TTC7A: variants seen among roughly 807,000 people sequenced by gnomAD.
TTC7A encodes tetratricopeptide repeat protein 7A.
A neutral mutation model predicts 103.7 loss-of-function variants in TTC7A; 110 were observed. The observed-to-expected ratio is 1.06, with a 90% CI of 0.91 to 1.24. The LOEUF is 1.24. TTC7A is among the 50% of genes most tolerant of loss of function. TTC7A has a pLI of 0.00. For synonymous variants in TTC7A, 521 were observed against 467.9 expected (o/e 1.11, Z -1.47); for missense variants, 1,340 against 1,116.3 (o/e 1.20, Z -2.86).
At chr2:46,927,430 C>T (rs555649487) in intron 2 of TTC7A, among the ~76,000 whole-genome samples, 1 of 148,616 alleles carries the variant, frequency 6.7e-6, no homozygotes, top group African/African-American at 2.5e-5. Flanking sequence ...GATCTCGGCT[C>T]ACTGCAGGCT....
At chr2:46,931,398 T>A (rs1444493898) in intron 2 of TTC7A, among the ~76,000 whole-genome samples, 1 of 152,252 alleles carries the variant, frequency 6.6e-6, no homozygotes, top group Non-Finnish European at 1.5e-5. Flanking sequence ...AATGTTATTT[T>A]ACATGCAAAA....
chr2:46,952,510 G>A (rs767008842), intron 2 of TTC7A, among the ~76,000 whole-genome samples: 30 of 152,200 alleles, frequency 2.0e-4, no homozygotes, highest in Non-Finnish European at 3.2e-4. Flanking sequence ...TTAGCACTTT[G>A]GGAGGCTAAG....
At position 47,010,768 on chromosome 2, in the gene TTC7A, C is replaced by T. The variant is rs562052956; in HGVS notation, c.1288-563C>T. 9.2e-5 allele frequency among the ~76,000 whole-genome samples: 14 copies of T among 152,272 alleles called. No homozygotes were observed. The South Asian group carries it at 2.1e-3, about 23-fold the overall frequency. ...AGGCTGGAGTGCGGTGGCACAATCT[C>T]GGCTCACTGCAACTTCCACCTCTTG... On this transcript the variant is annotated intron_variant, in intron 10 of 19. Transcript: ENST00000319190.
At position 47,075,179 on chromosome 2, in the gene TTC7A, A is replaced by G. The variant is rs1237896058; in HGVS notation, c.*1256A>G. ...GCTCAGCACTGCATTTCCCGAGATG[A>G]TTCCCAAGACAGCTGGTGCCTCCTG... On this transcript the variant is annotated 3_prime_UTR_variant, in exon 20 of 20. Coordinates refer to ENST00000319190, the MANE Select transcript of TTC7A (RefSeq NM_020458.4). 1 of 152,184 alleles carries G rather than the reference A, an allele frequency of 6.6e-6. No homozygotes were observed. Among genetic ancestry groups the G allele is most frequent in the Non-Finnish European group, 1.5e-5 (1 of 68,030 alleles). 9.4% of individuals were successfully genotyped at this position (152,184 alleles called of 1,614,324 possible).
chr2:46,999,842 T>C (rs1441482599), intron 8 of TTC7A: 1 of 985,336 alleles, frequency 1.0e-6, no homozygotes, highest in Non-Finnish European at 1.2e-6. Flanking sequence ...AAGTTGCTGC[T>C]GTTAGAAATG....
intron 2 of TTC7A, 106 bp from the exon 3 acceptor site, chr2:46,956,733 G>C: frequency 8.4e-7 from 1 of 1,190,306 alleles, no homozygotes; most frequent in Non-Finnish European, 1.2e-6. Context: ...GAGGAGGAGG[G>C]GAGTTCTGAG....
intron 10 of TTC7A, among the ~76,000 whole-genome samples, chr2:47,010,835 G>A (rs566776470): frequency 6.6e-6 from 1 of 152,226 alleles, no homozygotes; most frequent in African/African-American, 2.4e-5. Context: ...GAGTCGTTGG[G>A]ACTATGGACA....
At position 47,057,823 on chromosome 2, in the gene TTC7A, C is replaced by G. The variant is rs1423919221; in HGVS notation, c.2153-2946C>G. Among the ~76,000 whole-genome samples the G allele has an allele frequency of 4.6e-5, 7 of 152,334 alleles. No homozygotes were observed. In the East Asian group the frequency reaches 1.3e-3, roughly 29 times the overall value. ...AATGCCTCCTCCCTCAGGAAGACTT[C>G]CCTGACCACACCAGCAGCATCGACC... On this transcript the variant is annotated intron_variant, in intron 18 of 19. Coordinates refer to ENST00000319190, the MANE Select transcript of TTC7A (RefSeq NM_020458.4).
At chr2:47,040,831 G>A (rs1028541475) in intron 15 of TTC7A, among the ~76,000 whole-genome samples, 1 of 152,194 alleles carries the variant, frequency 6.6e-6, no homozygotes, top group African/African-American at 2.4e-5. Context: ...TGCCCAGCTG[G>A]GTGACCACAG....
At chr2:46,976,575 G>C (rs555092965) in intron 4 of TTC7A, among the ~76,000 whole-genome samples, 1 of 152,314 alleles carries the variant, frequency 6.6e-6, no homozygotes, top group South Asian at 2.1e-4. Flanking sequence ...GGCCATTTTG[G>C]AAGAGTCCAC....
intron 8 of TTC7A, among the ~76,000 whole-genome samples, chr2:46,997,555 G>T (rs1558555754): frequency 6.6e-6 from 1 of 152,102 alleles, no homozygotes; most frequent in Non-Finnish European, 1.5e-5. Flanking sequence ...TATGGCTGTT[G>T]GTCAAGGTCA....
rs1181707095 is a variant in TTC7A at position 47,025,371 on chromosome 2, G to C, written c.1641+1012G>C. 2.0e-5 allele frequency among the ~76,000 whole-genome samples: 3 copies of C among 152,192 alleles called. No homozygotes were observed. The East Asian group carries it at 5.8e-4, about 29-fold the overall frequency. ...TCTGATCCACAGCCCACGGGGTCTA[G>C]GTACCCCGCTCCCCTGACCCTTTTG... On this transcript the variant is annotated intron_variant, in intron 14 of 19. Transcript: ENST00000319190.
chr2:46,918,902 AACCAGGAGTCTCAT>A (rs1380890871), intron 2 of TTC7A, among the ~76,000 whole-genome samples: 1 of 152,244 alleles, frequency 6.6e-6, no homozygotes, highest in African/African-American at 2.4e-5. Context: ...CTTTACCTGC[AACCAGGAGTCTCAT>A]AACTTGGAAC....
intron 3 of TTC7A, among the ~76,000 whole-genome samples, chr2:46,958,188 T>C (rs923401930): frequency 6.6e-6 from 1 of 151,934 alleles, no homozygotes. Flanking sequence ...TCTGAGGGGG[T>C]TCGCCCACCC....
At chr2:47,073,120 C>T (rs1003027102) in intron 19 of TTC7A, among the ~76,000 whole-genome samples, 6 of 152,184 alleles carry the variant, frequency 3.9e-5, no homozygotes, top group East Asian at 3.9e-4. Context: ...CCACCGCACA[C>T]GCACACGTTT....
At chr2:46,919,502 C>T (rs1024471415) in intron 2 of TTC7A, among the ~76,000 whole-genome samples, 1 of 152,264 alleles carries the variant, frequency 6.6e-6, no homozygotes, top group East Asian at 1.9e-4. Context: ...CATTGCTCTT[C>T]AGCCTGGGCA....
intron 15 of TTC7A, among the ~76,000 whole-genome samples, chr2:47,041,728 A>G (rs1190257369): frequency 2.0e-5 from 3 of 150,808 alleles, no homozygotes; most frequent in Admixed American, 2.0e-4. Context: ...ACTCCAGCCT[A>G]GGCAACAAGA....
At chr2:47,070,155 G>A (rs567295225) in intron 19 of TTC7A, among the ~76,000 whole-genome samples, 14 of 152,362 alleles carry the variant, frequency 9.2e-5, no homozygotes, top group African/African-American at 3.1e-4. Context: ...CTTATGGGCT[G>A]GGATGGTGTG....
chr2:46,938,561 C>T (rs946394074), upstream of TTC7A, among the ~76,000 whole-genome samples: 1 of 152,116 alleles, frequency 6.6e-6, no homozygotes, highest in African/African-American at 2.4e-5. Context: ...TTTTTTCCTT[C>T]TAGTCCCTGA....
Sources: gnomAD v4.1 joint callset for allele counts (sites outside exome capture counted in the v4.1 genomes callset) on GRCh38, gnomAD v4.1.1 for gene constraint, MANE v1.5 for transcripts, NCBI Gene and HGNC (gene_info 2026-07-23, HGNC 2026-07-21) for gene names.